The following NPAS3 variants were observed in gnomAD, a reference collection of about 807,000 sequenced individuals.
NPAS3 encodes neuronal PAS domain-containing protein 3.
A neutral mutation model predicts 73.1 loss-of-function variants in NPAS3; 14 were observed. The observed-to-expected ratio is 0.19, with a 90% CI of 0.13 to 0.30. The LOEUF (loss-of-function observed/expected upper bound fraction) is 0.30. Among genes scored for constraint, NPAS3 ranks in the 10% least tolerant of loss-of-function variants. The pLI, the probability that NPAS3 is intolerant of heterozygous loss-of-function variation, is 1.00. For missense variants in NPAS3, 1,096 were observed against 1,250.0 expected (o/e 0.88, Z 1.86); for synonymous variants, 620 against 541.5 (o/e 1.14, Z -2.01).
chr14:33,037,733 G>A (rs190103201), intron 1 of NPAS3, among the ~76,000 whole-genome samples: 82 of 152,230 alleles, frequency 5.4e-4, no homozygotes, highest in African/African-American at 1.7e-3. Flanking sequence ...GAAAAGCCAA[G>A]GGAAATTGGA....
At chr14:33,706,011 C>T (rs1258487715) in intron 6 of NPAS3, among the ~76,000 whole-genome samples, 3 of 152,204 alleles carry the variant, frequency 2.0e-5, no homozygotes, top group Non-Finnish European at 1.5e-5. Flanking sequence ...CTAAATCCTC[C>T]ACCCCTGTAC....
intron 4 of NPAS3, among the ~76,000 whole-genome samples, chr14:33,465,338 C>T (rs867464406): frequency 5.3e-5 from 8 of 152,236 alleles, no homozygotes; most frequent in African/African-American, 1.7e-4. Context: ...AAGCTTAAGA[C>T]GTTAAATGCC....
At chr14:33,563,110 G>A (rs2055734806) in intron 5 of NPAS3, among the ~76,000 whole-genome samples, 1 of 152,156 alleles carries the variant, frequency 6.6e-6, no homozygotes, top group Non-Finnish European at 1.5e-5. Flanking sequence ...AATTGTTCAG[G>A]AGGACTGTGA....
upstream of NPAS3, among the ~76,000 whole-genome samples, chr14:32,936,189 T>C (rs1394009325): frequency 2.0e-5 from 3 of 152,230 alleles, no homozygotes; most frequent in Admixed American, 6.5e-5. Context: ...TTCCAAGCAA[T>C]GGCCCAGTGA....
At chr14:33,518,567 A>C (rs1595072223) in intron 4 of NPAS3, among the ~76,000 whole-genome samples, 1 of 150,444 alleles carries the variant, frequency 6.6e-6, no homozygotes, top group East Asian at 2.0e-4. Flanking sequence ...CTTTCTACTC[A>C]CACCAACATA....
intron 2 of NPAS3, among the ~76,000 whole-genome samples, chr14:33,092,426 T>C (rs1595429984): frequency 1.3e-5 from 2 of 152,282 alleles, no homozygotes; most frequent in East Asian, 3.9e-4. Context: ...GTGGAGGACC[T>C]CTTCAAGGAG....
chr14:33,183,421 G>GTTTTTTT (rs55643715), intron 2 of NPAS3, among the ~76,000 whole-genome samples: 2 of 60,764 alleles, frequency 3.3e-5, no homozygotes, highest in East Asian at 4.6e-4. Flanking sequence ...GTGAGACTCT[G>GTTTTTTT]TTTTTTTTTT....
chr14:33,251,365 T>C (rs1374444875), intron 3 of NPAS3, among the ~76,000 whole-genome samples: 3 of 152,176 alleles, frequency 2.0e-5, no homozygotes, highest in East Asian at 3.9e-4. Context: ...TAGGGTTGGG[T>C]GGGTGTACCT....
intron 4 of NPAS3, among the ~76,000 whole-genome samples, chr14:33,438,251 G>A (rs1438806377): frequency 6.6e-6 from 1 of 152,204 alleles, no homozygotes; most frequent in Non-Finnish European, 1.5e-5. Flanking sequence ...ATGCATTGCA[G>A]TGAGACAGAT....
intron 1 of NPAS3, among the ~76,000 whole-genome samples, chr14:32,939,801 G>C (rs532716527): frequency 3.3e-5 from 5 of 152,054 alleles, no homozygotes; most frequent in South Asian, 2.1e-4. Context: ...GCTGGGGAGG[G>C]GGAGGGAAGG....
At chr14:33,654,299 G>A (rs2059082719) in intron 5 of NPAS3, among the ~76,000 whole-genome samples, 1 of 152,032 alleles carries the variant, frequency 6.6e-6, no homozygotes, top group Non-Finnish European at 1.5e-5. Flanking sequence ...AATAAAAGAA[G>A]TGAAATGGCT....
chr14:33,531,841 C>G (rs8004056), intron 4 of NPAS3, among the ~76,000 whole-genome samples: 69,408 of 151,996 alleles, frequency 0.46, 18,930 homozygotes, highest in African/African-American at 0.78. Flanking sequence ...GATTGTCAGC[C>G]TTCTGTTTTT....
chr14:33,713,554 C>T (rs866931930), intron 6 of NPAS3, among the ~76,000 whole-genome samples: 3 of 152,248 alleles, frequency 2.0e-5, no homozygotes, highest in Non-Finnish European at 4.4e-5. Context: ...TGACATCTCT[C>T]TTCCTCTGAC....
At chr14:33,291,394 T>A (rs981022396) in intron 3 of NPAS3, among the ~76,000 whole-genome samples, 1 of 152,204 alleles carries the variant, frequency 6.6e-6, no homozygotes, top group African/African-American at 2.4e-5. Context: ...TCTCTGATGG[T>A]AATGCAGGCC....
chr14:33,598,260 GT>G (rs2057302961), intron 5 of NPAS3, among the ~76,000 whole-genome samples: 2 of 152,302 alleles, frequency 1.3e-5, no homozygotes, highest in South Asian at 2.1e-4. Context: ...TGACATTCCA[GT>G]TTTTCCATCC....
At chr14:33,724,609 A>G (rs61300182) in intron 6 of NPAS3, among the ~76,000 whole-genome samples, 74,186 of 151,998 alleles carry the variant, frequency 0.49, 18,802 homozygotes, top group Non-Finnish European at 0.55. Context: ...CTCTTGCCTG[A>G]GTGACAGAGT....
chr14:33,696,075 G>T (rs113509384), intron 6 of NPAS3, among the ~76,000 whole-genome samples: 2 of 152,298 alleles, frequency 1.3e-5, no homozygotes, highest in East Asian at 3.9e-4. Flanking sequence ...GAGTACCAAA[G>T]TTCCTTCTTA....
chr14:33,712,769 T>C (rs2060856477), intron 6 of NPAS3, among the ~76,000 whole-genome samples: 1 of 152,088 alleles, frequency 6.6e-6, no homozygotes, highest in East Asian at 1.9e-4. Context: ...CACTAGAACC[T>C]GAGAAACCCA....
intron 3 of NPAS3, among the ~76,000 whole-genome samples, chr14:33,280,190 C>G (rs202112977): frequency 6.6e-6 from 1 of 151,958 alleles, no homozygotes; most frequent in East Asian, 1.9e-4. Context: ...CCATTTATTC[C>G]AGTGTAATTA....
Sources: gnomAD v4.1 joint callset for allele counts (sites outside exome capture counted in the v4.1 genomes callset) on GRCh38, gnomAD v4.1.1 for gene constraint, MANE v1.5 for transcripts, NCBI Gene and HGNC (gene_info 2026-07-23, HGNC 2026-07-21) for gene names.